TNXB: variants seen among roughly 807,000 people sequenced by gnomAD.
TNXB encodes tenascin-X.
Under a neutral mutation model 340.5 loss-of-function variants are expected in TNXB, and 183 were observed. That is an observed-to-expected ratio of 0.54 (90% CI 0.48 to 0.61). TNXB has a LOEUF of 0.61. Ranked by LOEUF, TNXB falls within the 20% of genes least tolerant of loss-of-function variation. The probability of loss-of-function intolerance (pLI) is 0.00; values close to 1 mark genes in which losing one functional copy is unlikely to be tolerated. For synonymous variants in TNXB, 2,121 were observed against 2,314.5 expected (o/e 0.92, Z 2.40); for missense variants, 4,613 against 5,446.4 (o/e 0.85, Z 4.82).
rs138850364 is a variant in TNXB at position 32,085,951 on chromosome 6, C to T, written c.2947G>A (p.Ala983Thr). ...AAGTAGGCAAAGGTGTCAGGCTGGG[C>T]GGTCCAGACCACACGGAGGCGCCCT... is the stretch of plus-strand genomic sequence containing the variant. The part of the protein sequence containing the change: ...ETGRLRVVWT[A>T]QPDTFAYFQL... The change falls in exon 7 of 44, where the codon GCC (alanine) becomes ACC (threonine). Residue 983 changes from alanine (A) to threonine (T), a missense_variant. Physicochemically the swap from Ala to Thr is moderately conservative, Grantham distance 58. Around this residue, in one of 7 missense-constraint regions of TNXB, gnomAD observed 4,327 missense variants for 4,859.4 expected, o/e 0.89. Coordinates refer to ENST00000644971, the MANE Select transcript of TNXB (RefSeq NM_001365276.2). The surrounding 1 kb of genome is among the most constrained non-coding windows in gnomAD (Gnocchi z 6.4). 1.5e-4 allele frequency: 239 copies of T among 1,608,170 alleles called. 2 individuals carry two copies. Among genetic ancestry groups the T allele is most frequent in the Middle Eastern group, 1.3e-3 (7 of 5,526 alleles).
In TNXB at chr6:32,088,886, G is replaced by A. The variant is rs114145264; in HGVS notation, c.2678C>T (p.Thr893Met). 1.8e-5 allele frequency: 29 copies of A among 1,589,306 alleles called. No individual in the cohort carries two copies. The highest frequency in any genetic ancestry group is 4.6e-5 in the South Asian group (4 of 87,450). Reference sequence around the variant, plus strand: ...GCCTGGCATCAGGTCAGTCAGCAGCGTCCCGTCTGCTTCAGGGGGCACTTC... The same window carrying A: ...GCCTGGCATCAGGTCAGTCAGCAGCATCCCGTCTGCTTCAGGGGGCACTTC... ...RLEVPPEADG[T>M]LLTDLMPGVE... is the part of the protein sequence containing the mutation. Residue 893 changes from threonine (T) to methionine (M), a missense_variant, in exon 6 of 44, where the codon ACG becomes ATG. Transcript: ENST00000644971.
In TNXB at chr6:32,104,917, G is replaced by A. The variant is rs542481489; in HGVS notation, c.-9+4264C>T. 7.2e-5 allele frequency among the ~76,000 whole-genome samples: 11 copies of A among 152,194 alleles called. No homozygotes were observed. The South Asian group carries it at 1.0e-3, about 14-fold the overall frequency. Reference sequence around the variant, plus strand: ...CTCCCAATGTGCTGGGATTACAGGCGTGAGCCACTGTGTCCAGCCCTGACC... The same window carrying A: ...CTCCCAATGTGCTGGGATTACAGGCATGAGCCACTGTGTCCAGCCCTGACC... On this transcript the variant is annotated intron_variant, in intron 1 of 43. Transcript: ENST00000644971.
chr6:32,092,690 CA>C (rs33977838), intron 4 of TNXB, among the ~76,000 whole-genome samples: 88,486 of 135,952 alleles, frequency 0.65, 27,866 homozygotes, highest in East Asian at 0.79. Context: ...AACTCTGTCT[CA>C]AAAAAAAAAA....
At chr6:32,093,514 G>C (rs778241403) in intron 4 of TNXB, 37 of 648,916 alleles carry the variant, frequency 5.7e-5, no homozygotes, top group African/African-American at 1.1e-4. Flanking sequence ...GTTCCTCTGA[G>C]CTGTCCCCTT....
At chr6:32,104,415 C>T (rs1780876431) in intron 1 of TNXB, among the ~76,000 whole-genome samples, 1 of 152,200 alleles carries the variant, frequency 6.6e-6, no homozygotes, top group South Asian at 2.1e-4. Flanking sequence ...ATCCCATCCC[C>T]TCCCAGAATT....
Position 32,049,419 on chromosome 6 carries a change from CTGTCCT to C in TNXB, c.9602_9607del (p.Lys3201_Asp3202del), listed in dbSNP as rs1331240094. On this transcript the variant is annotated inframe_deletion, in exon 28 of 44. Coordinates refer to ENST00000644971, the MANE Select transcript of TNXB (RefSeq NM_001365276.2). The surrounding 1 kb of genome is among the most constrained non-coding windows in gnomAD (Gnocchi z 4.5). ...ACGCACCACCTGGGGCTGCCCGTCC[CTGTCCT>C]TGTACTGCACGGTGAAGGAGTCGAA... 1 of 1,612,596 alleles carries C rather than the reference CTGTCCT, an allele frequency of 6.2e-7. No individual in the cohort carries two copies. Among genetic ancestry groups the C allele is most frequent in the East Asian group, 2.2e-5 (1 of 44,886 alleles).
At position 32,046,538 on chromosome 6, in the gene TNXB, C is replaced by A; in HGVS notation, c.10325-82G>T. 2 of 1,308,494 alleles carry A rather than the reference C, an allele frequency of 1.5e-6. No individual in the cohort carries two copies. Among genetic ancestry groups the A allele is most frequent in the South Asian group, 1.6e-5 (1 of 62,544 alleles). The allele number at this position is 1,308,494 out of a possible 1,614,324, so 81.1% of individuals were successfully genotyped here. On this transcript the variant is annotated intron_variant, in intron 30 of 43. Transcript: ENST00000644971. This position sits in a 1 kb window ranked among gnomAD's most constrained non-coding sequence, Gnocchi z 6.9. The stretch of plus-strand genomic sequence containing the variant: ...GGCAGCCTCCCGGAGGTGTGAGGTT[C>A]TGGGAAATGGTCCCTCCAGTGTAGC...
chr6:32,070,083 G>T lies in TNXB; in HGVS notation c.5278+44C>A. ...ACCACAAGTGACCGTCTGCTGCTTGGCCTGAGGGGAGCAGAGCAGGGACCT... is the reference window on the plus strand; with the variant it reads ...ACCACAAGTGACCGTCTGCTGCTTGTCCTGAGGGGAGCAGAGCAGGGACCT... On this transcript the variant is annotated intron_variant, in intron 14 of 43. Coordinates refer to ENST00000644971, the MANE Select transcript of TNXB (RefSeq NM_001365276.2). This position sits in a 1 kb window ranked among gnomAD's most constrained non-coding sequence, Gnocchi z 6.0. 6.7e-7 allele frequency: 1 copy of T among 1,500,846 alleles called. No homozygotes were observed. The highest frequency in any genetic ancestry group is 1.4e-5 in the South Asian group (1 of 73,166). The allele number at this position is 1,500,846 out of a possible 1,614,324, so 93.0% of individuals were successfully genotyped here.
At chr6:32,091,514 G>A (rs1228335419) in intron 4 of TNXB, among the ~76,000 whole-genome samples, 4 of 146,134 alleles carry the variant, frequency 2.7e-5, no homozygotes, top group African/African-American at 1.0e-4. Context: ...TTTCGCTCTT[G>A]TCTCCCAGGC....
Position 32,047,758 on chromosome 6 carries a change from GGC to G in TNXB, c.10298_10299del (p.Gly3433AlafsTer5). On this transcript the variant is annotated frameshift_variant, in exon 30 of 44. Coordinates refer to ENST00000644971, the MANE Select transcript of TNXB (RefSeq NM_001365276.2). LOFTEE classifies it high-confidence loss of function. The surrounding 1 kb of genome is among the most constrained non-coding windows in gnomAD (Gnocchi z 6.2). ...CCTGTGGTGCTGTCAGCAGAGATGG[GGC>G]CCAGTCGTTTCCTGCCTGACAGACC... ...LYGLSGRKRLGPISADSTTAP... is the reference protein window; with the variant it reads ...LYGLSGRKRLXPISADSTTAP... 6.2e-7 allele frequency: 1 copy of G among 1,604,474 alleles called. No homozygotes were observed. Among genetic ancestry groups the G allele is most frequent in the Non-Finnish European group, 8.5e-7 (1 of 1,175,802 alleles).
In TNXB at chr6:32,070,249, A is replaced by C; in HGVS notation, c.5156T>G (p.Val1719Gly). 1 of 1,612,830 alleles carries C rather than the reference A, an allele frequency of 6.2e-7. No individual in the cohort carries two copies. Among genetic ancestry groups the C allele is most frequent in the Non-Finnish European group, 8.5e-7 (1 of 1,179,520 alleles). Residue 1719 changes from valine to glycine, a missense_variant, in exon 14 of 44, where the codon GTG (valine) becomes GGG (glycine). By Grantham distance (109) the Val-to-Gly change is moderately radical. Transcript: ENST00000644971. The surrounding 1 kb of genome is among the most constrained non-coding windows in gnomAD (Gnocchi z 6.0). ...KDKDGPQVVP[V>G]EGHERSVTVT... ...AGTGACAGAGCGCTCATGGCCCTCC[A>C]CGGGCACCACCTGGGGCCCGTCTTT... is the stretch of plus-strand genomic sequence containing the variant.
At chr6:32,106,489 GAC>G (rs981129612) in intron 1 of TNXB, among the ~76,000 whole-genome samples, 2 of 152,046 alleles carry the variant, frequency 1.3e-5, no homozygotes, top group Admixed American at 1.3e-4. Flanking sequence ...AGGTGACTGT[GAC>G]ACACACACAC....
chr6:32,051,131 C>A lies in TNXB; in HGVS notation c.9116-810G>T, dbSNP rs1777261629. ...GCACCACCTGTGCTGATCTGACACG[C>A]TTCACCTTCTCTCTAAAGCTGTCAC... On this transcript the variant is annotated intron_variant, in intron 26 of 43. Coordinates refer to ENST00000644971, the MANE Select transcript of TNXB (RefSeq NM_001365276.2). This position sits in a 1 kb window ranked among gnomAD's most constrained non-coding sequence, Gnocchi z 4.7. Among the ~76,000 whole-genome samples, 1 of 152,258 alleles carries A rather than the reference C, an allele frequency of 6.6e-6. No individual in the cohort carries two copies. Among genetic ancestry groups the A allele is most frequent in the Non-Finnish European group, 1.5e-5 (1 of 68,034 alleles).
chr6:32,087,393 G>A lies in TNXB; in HGVS notation c.2780-1275C>T, dbSNP rs1454120472. The A allele has an allele frequency of 2.1e-6, 1 of 470,610 alleles. No individual in the cohort carries two copies. The highest frequency in any genetic ancestry group is 2.0e-5 in the African/African-American group (1 of 50,806). The allele number at this position is 470,610 out of a possible 1,614,324, so 29.2% of individuals were successfully genotyped here. On this transcript the variant is annotated intron_variant, in intron 6 of 43. Coordinates refer to ENST00000644971, the MANE Select transcript of TNXB (RefSeq NM_001365276.2). This position sits in a 1 kb window ranked among gnomAD's most constrained non-coding sequence, Gnocchi z 9.0. Reference sequence around the variant, plus strand: ...CCGGCACAGTCAGCTCACCGCCGGGGCCCTCTGCAGGCGGCTGAGGCCGCC... The same window carrying A: ...CCGGCACAGTCAGCTCACCGCCGGGACCCTCTGCAGGCGGCTGAGGCCGCC...
Position 32,068,770 on chromosome 6 carries a change from C to G in TNXB, c.5902+52G>C. 1 of 1,593,388 alleles carries G rather than the reference C, an allele frequency of 6.3e-7. No homozygotes were observed. Among genetic ancestry groups the G allele is most frequent in the South Asian group, 1.1e-5 (1 of 87,576 alleles). ...AGGGTATCCGCGGGACTCTGCTGTC[C>G]TCTGGACTCTCCCAGCCATCTGAAA... On this transcript the variant is annotated intron_variant, in intron 16 of 43. Coordinates refer to ENST00000644971, the MANE Select transcript of TNXB (RefSeq NM_001365276.2). The surrounding 1 kb of genome is among the most constrained non-coding windows in gnomAD (Gnocchi z 5.3).
chr6:32,043,487 G>A lies in TNXB; in HGVS notation c.11600C>T (p.Pro3867Leu), dbSNP rs1382315184. 8 of 652,770 alleles carry A rather than the reference G, an allele frequency of 1.2e-5. No individual in the cohort carries two copies. The highest frequency in any genetic ancestry group is 5.2e-5 in the African/African-American group (2 of 38,710). The allele number at this position is 652,770 out of a possible 1,614,324, so 40.4% of individuals were successfully genotyped here. A position where few individuals can be genotyped will look rare whatever the true frequency, so the allele number is the denominator to read the frequency against. Reference sequence around the variant, plus strand: ...ATAGGTGTCCACAGGATTCTGGGGGGGCTTCCAGTGCAGCACGGCGAATCC... The same window carrying A: ...ATAGGTGTCCACAGGATTCTGGGGGAGCTTCCAGTGCAGCACGGCGAATCC... ...TEGFAVLHWK[P>L]PQNPVDTYDV... Residue 3867 changes from proline to leucine, a missense_variant, in exon 36 of 44, where the codon CCC becomes CTC. Coordinates refer to ENST00000644971, the MANE Select transcript of TNXB (RefSeq NM_001365276.2).
Position 32,047,998 on chromosome 6 carries a change from G to A in TNXB, c.10060C>T (p.Pro3354Ser), listed in dbSNP as rs140530599. 2,834 of 1,604,678 alleles carry A rather than the reference G, an allele frequency of 1.8e-3. 95 individuals are homozygous for A. The Admixed American group carries it at 0.043, about 24-fold the overall frequency. ...GTCAGCTCCCCCAGGCGGGGAGACG[G>A]TTTGGTGTCTGGGGCTGGAAAAGAC... is the stretch of plus-strand genomic sequence containing the variant. ...VEARTAPDTK[P>S]SPRLGELTVT... is the part of the protein sequence containing the mutation. The change falls in exon 30 of 44, where the codon CCG (proline) becomes TCG (serine). Residue 3354 changes from proline (P) to serine (S), a missense_variant. This residue lies in a region of TNXB where 4,327 missense variants were observed against 4,859.4 expected (regional missense o/e 0.89). Transcript: ENST00000644971. The surrounding 1 kb of genome is among the most constrained non-coding windows in gnomAD (Gnocchi z 6.2).
rs1778097243 is a variant in TNXB at position 32,062,554 on chromosome 6, C to T, written c.6842-71G>A. ...TTTAACCAAGGGACTCTGGGATTCTCTTAGACACACCAAGGGCCCACAGTC... is the reference window on the plus strand; with the variant it reads ...TTTAACCAAGGGACTCTGGGATTCTTTTAGACACACCAAGGGCCCACAGTC... On this transcript the variant is annotated intron_variant, in intron 19 of 43. Coordinates refer to ENST00000644971, the MANE Select transcript of TNXB (RefSeq NM_001365276.2). The surrounding 1 kb of genome is among the most constrained non-coding windows in gnomAD (Gnocchi z 4.3). 7.1e-7 allele frequency: 1 copy of T among 1,407,362 alleles called. No individual in the cohort carries two copies. The highest frequency in any genetic ancestry group is 9.6e-7 in the Non-Finnish European group (1 of 1,046,490). The allele number at this position is 1,407,362 out of a possible 1,614,324, so 87.2% of individuals were successfully genotyped here.
chr6:32,096,167 G>GC lies in TNXB; in HGVS notation c.1685dup (p.Cys563LeufsTer31). ...CTAGGCACTGGCCGCGGCCTCGGCA[G>GC]CCCCCGGGGCAGCTGCGCGTGCTGC... On this transcript the variant is annotated frameshift_variant, in exon 3 of 44. Coordinates refer to ENST00000644971, the MANE Select transcript of TNXB (RefSeq NM_001365276.2). LOFTEE classifies it high-confidence loss of function. 1.3e-6 allele frequency: 2 copies of GC among 1,577,018 alleles called. No individual in the cohort carries two copies. Among genetic ancestry groups the GC allele is most frequent in the Non-Finnish European group, 1.7e-6 (2 of 1,163,786 alleles).
Sources: gnomAD v4.1 joint callset for allele counts (sites outside exome capture counted in the v4.1 genomes callset) on GRCh38, gnomAD v4.1.1 for gene constraint, gnomAD v4.1.1 regional missense constraint, Gnocchi (gnomAD v3.1) non-coding constraint, MANE v1.5 for transcripts, NCBI Gene and HGNC (gene_info 2026-07-23, HGNC 2026-07-21) for gene names.